Variants in KDM6A observed in about 807,000 individuals in gnomAD.
KDM6A encodes the protein lysine-specific demethylase 6A.
KDM6A carries 11 observed loss-of-function variants against 117.6 expected under a neutral mutation model. The ratio of observed to expected loss-of-function variants is 0.09; its 90% CI spans 0.06 to 0.15. KDM6A has a LOEUF of 0.15. Among genes scored for constraint, KDM6A ranks in the 10% least tolerant of loss-of-function variants. The pLI, the probability that KDM6A is intolerant of heterozygous loss-of-function variation, is 1.00. For missense variants in KDM6A, 799 were observed against 1,077.3 expected (o/e 0.74, Z 3.62); for synonymous variants, 384 against 396.1 (o/e 0.97, Z 0.36).
chrX:45,002,664 C>T (rs2041198477), intron 4 of KDM6A, among the ~76,000 whole-genome samples: 1 of 111,888 alleles, frequency 8.9e-6, no homozygotes. Context: ...GGCCTAATTA[C>T]TTTTAAATTA....
chrX:44,922,347 C>T (rs1245802035), intron 2 of KDM6A, among the ~76,000 whole-genome samples: 1 of 109,687 alleles, frequency 9.1e-6, no homozygotes, highest in Non-Finnish European at 1.9e-5. Context: ...TTTAATTGTG[C>T]TTCTCTAATA....
chrX:45,073,357 G>A (rs2044955804), intron 18 of KDM6A, among the ~76,000 whole-genome samples: 1 of 111,665 alleles, frequency 9.0e-6, no homozygotes, highest in South Asian at 3.7e-4. Context: ...CTTTATAGTA[G>A]CATGATTTAT....
intron 8 of KDM6A, among the ~76,000 whole-genome samples, chrX:45,045,517 T>C (rs972541883): frequency 7.3e-5 from 7 of 96,029 alleles, no homozygotes; most frequent in African/African-American, 2.8e-4. Flanking sequence ...ATCCAGGAGG[T>C]GGAGGTTGCA....
chrX:44,911,657 T>C (rs2035181906), intron 2 of KDM6A, among the ~76,000 whole-genome samples: 1 of 111,676 alleles, frequency 9.0e-6, no homozygotes, highest in Admixed American at 9.4e-5. Context: ...TCTCGGCACT[T>C]TGGGAGGCCA....
At chrX:45,030,984 C>T (rs1292317185) in intron 6 of KDM6A, among the ~76,000 whole-genome samples, 1 of 112,148 alleles carries the variant, frequency 8.9e-6, no homozygotes, top group Non-Finnish European at 1.9e-5. Flanking sequence ...TGTGAGCCAC[C>T]ATGCCCTGCC....
chrX:45,035,962 G>A lies in KDM6A; in HGVS notation c.619+977G>A, dbSNP rs773815921. The stretch of plus-strand genomic sequence containing the variant: ...GATCCTCCCACCTCGGCCTCCCAAA[G>A]TTCTGGGATTATAGGCGGGAGCCAC... On this transcript the variant is annotated intron_variant, in intron 7 of 29. Coordinates refer to ENST00000611820, the MANE Select transcript of KDM6A (RefSeq NM_001291415.2). Among the ~76,000 whole-genome samples the A allele has an allele frequency of 2.7e-5, 3 of 111,479 alleles. No individual in the cohort carries two copies. In the Admixed American group the frequency reaches 2.9e-4, roughly 11 times the overall value.
chrX:45,042,085 A>C (rs1338455894), intron 8 of KDM6A, among the ~76,000 whole-genome samples: 1 of 108,622 alleles, frequency 9.2e-6, no homozygotes, highest in Non-Finnish European at 1.9e-5. Flanking sequence ...CCCCCTCTCC[A>C]CCAAAAAAAA....
At chrX:45,070,714 T>G (rs1298053724) in intron 18 of KDM6A, among the ~76,000 whole-genome samples, 1 of 110,201 alleles carries the variant, frequency 9.1e-6, no homozygotes, top group Non-Finnish European at 1.9e-5. Flanking sequence ...ATGGGTTTTT[T>G]TTTTTTTTTT....
Position 44,932,084 on chromosome X carries a change from C to CTT in KDM6A, c.226-29173_226-29172dup, listed in dbSNP as rs796121677. 6.9e-3 allele frequency among the ~76,000 whole-genome samples: 118 copies of CTT among 17,089 alleles called. 23 individuals are homozygous for CTT. Among genetic ancestry groups the CTT allele is most frequent in the South Asian group, 0.025 (4 of 163 alleles). 14.8% of individuals were successfully genotyped at this position (17,089 alleles called of 115,157 possible). ...GCTGGTCCTGATTGCTCTAGGTAGCCTTTTTTTTTTTTTTTTTTTTTTTTT... is the reference window on the plus strand; with the variant it reads ...GCTGGTCCTGATTGCTCTAGGTAGCCTTTTTTTTTTTTTTTTTTTTTTTTTTT... On this transcript the variant is annotated intron_variant, in intron 2 of 29. Coordinates refer to ENST00000611820, the MANE Select transcript of KDM6A (RefSeq NM_001291415.2).
At chrX:44,950,424 T>C (rs2037924000) in intron 2 of KDM6A, among the ~76,000 whole-genome samples, 1 of 112,266 alleles carries the variant, frequency 8.9e-6, no homozygotes, top group South Asian at 3.6e-4. Flanking sequence ...CATTTAAGGC[T>C]TAATTCGTTG....
chrX:44,984,037 A>C (rs1197624331), intron 4 of KDM6A, among the ~76,000 whole-genome samples: 1 of 110,749 alleles, frequency 9.0e-6, no homozygotes, highest in African/African-American at 3.3e-5. Context: ...ACAGTGTAAA[A>C]GTGTTCCTAT....
chrX:45,104,632 A>G (rs1277539046), intron 27 of KDM6A, among the ~76,000 whole-genome samples: 1 of 111,341 alleles, frequency 9.0e-6, no homozygotes, highest in Non-Finnish European at 1.9e-5. Flanking sequence ...TGTGGACTCC[A>G]TAAGAGCCTC....
At chrX:44,909,146 C>T (rs2034920791) in intron 2 of KDM6A, among the ~76,000 whole-genome samples, 1 of 111,910 alleles carries the variant, frequency 8.9e-6, no homozygotes, top group South Asian at 3.7e-4. Flanking sequence ...CGACTTCTAT[C>T]ATCATAGATT....
chrX:44,912,014 G>A (rs368955169), intron 2 of KDM6A, among the ~76,000 whole-genome samples: 39 of 104,626 alleles, frequency 3.7e-4, no homozygotes, highest in African/African-American at 1.3e-3. Flanking sequence ...GAGGGAGATC[G>A]TGGAAAGGAG....
intron 3 of KDM6A, among the ~76,000 whole-genome samples, chrX:44,963,416 A>C (rs1400295406): frequency 1.0e-5 from 1 of 99,846 alleles, no homozygotes; most frequent in Non-Finnish European, 2.0e-5. Flanking sequence ...GGATCATATC[A>C]CTGCACTCCA....
At chrX:45,068,711 C>T (rs983564865) in intron 17 of KDM6A, among the ~76,000 whole-genome samples, 2 of 109,448 alleles carry the variant, frequency 1.8e-5, no homozygotes, top group Admixed American at 1.9e-4. Flanking sequence ...ACTACAGGCA[C>T]ACTTGTCAAC....
chrX:44,890,642 CTTTTTTTTTTT>C (rs761568154), intron 2 of KDM6A, among the ~76,000 whole-genome samples: 6 of 34,764 alleles, frequency 1.7e-4, no homozygotes, highest in African/African-American at 4.0e-4. Context: ...TGATGTTGAA[CTTTTTTTTTTT>C]TTTTTTTTTT....
At chrX:45,025,471 G>T (rs1229516604) in intron 6 of KDM6A, among the ~76,000 whole-genome samples, 1 of 112,007 alleles carries the variant, frequency 8.9e-6, no homozygotes. Flanking sequence ...CCTAATTCAG[G>T]ACTTTTATTT....
At chrX:44,955,819 T>A (rs2038292747) in intron 2 of KDM6A, among the ~76,000 whole-genome samples, 1 of 111,663 alleles carries the variant, frequency 9.0e-6, no homozygotes, top group Non-Finnish European at 1.9e-5. Context: ...TTTATCTTAT[T>A]TTTTATTGTA....
Sources: gnomAD v4.1 joint callset for allele counts (sites outside exome capture counted in the v4.1 genomes callset) on GRCh38, gnomAD v4.1.1 for gene constraint, MANE v1.5 for transcripts, NCBI Gene and HGNC (gene_info 2026-07-23, HGNC 2026-07-21) for gene names.